The following RAB30 variants were observed in gnomAD, a reference collection of about 807,000 sequenced individuals.
RAB30 encodes RAB30, member RAS oncogene family.
RAB30 carries 9 observed loss-of-function variants against 25.1 expected under a neutral mutation model. The ratio of observed to expected loss-of-function variants is 0.36; its 90% CI spans 0.22 to 0.63. The LOEUF (loss-of-function observed/expected upper bound fraction) is 0.63. Among genes scored for constraint, RAB30 ranks in the 20% least tolerant of loss-of-function variants. The pLI is 0.69. For missense variants in RAB30, 140 were observed against 243.5 expected, an observed-to-expected ratio of 0.58 and a Z score of 2.83; for synonymous variants, 77 against 86.4, an observed-to-expected ratio of 0.89 and a Z score of 0.60.
In RAB30 at chr11:82,979,326, G is replaced by C. The variant is rs1357412663; in HGVS notation, c.*2839C>G. On this transcript the variant is annotated 3_prime_UTR_variant, in exon 5 of 5. Transcript: ENST00000527633. The stretch of plus-strand genomic sequence containing the variant: ...AGAAAAAGATCACACCAAAAATGGA[G>C]GAATACATCAACCCTGGTGGTCTTA... 6.6e-6 allele frequency: 1 copy of C among 152,104 alleles called. No homozygotes were observed. The highest frequency in any genetic ancestry group is 2.4e-5 in the African/African-American group (1 of 41,432). 9.4% of individuals were successfully genotyped at this position (152,104 alleles called of 1,614,324 possible). A position where few individuals can be genotyped will look rare whatever the true frequency, so the allele number is the denominator to read the frequency against.
At chr11:83,002,285 C>G (rs1438134642) in intron 1 of RAB30, among the ~76,000 whole-genome samples, 1 of 152,328 alleles carries the variant, frequency 6.6e-6, no homozygotes, top group East Asian at 1.9e-4. Flanking sequence ...TCAGATTACA[C>G]AAGCGCTGCT....
At chr11:83,027,666 C>T (rs1195797404) in intron 1 of RAB30, among the ~76,000 whole-genome samples, 1 of 152,012 alleles carries the variant, frequency 6.6e-6, no homozygotes, top group Non-Finnish European at 1.5e-5. Flanking sequence ...TCTCTAGGAA[C>T]TAAATGAAAA....
At chr11:83,022,857 TC>T (rs1181299442) in intron 1 of RAB30, among the ~76,000 whole-genome samples, 1 of 152,150 alleles carries the variant, frequency 6.6e-6, no homozygotes, top group African/African-American at 2.4e-5. Context: ...TTATGTTGTA[TC>T]AAATGTCTTT....
intron 1 of RAB30, among the ~76,000 whole-genome samples, chr11:83,004,944 A>G (rs1857156342): frequency 6.6e-6 from 1 of 152,126 alleles, no homozygotes; most frequent in African/African-American, 2.4e-5. Context: ...CCATTACTAT[A>G]ATCAACTGCT....
chr11:83,054,326 C>T (rs867341426), intron 1 of RAB30, among the ~76,000 whole-genome samples: 16 of 152,182 alleles, frequency 1.1e-4, no homozygotes, highest in Admixed American at 3.9e-4. Context: ...CCTACAATCT[C>T]CTTATAGTCA....
rs1465496004 is a variant in RAB30, at chr11:82,973,568, G to C, written c.*8597C>G. ...AGACTGAAACAGTCTTCATGAAATT[G>C]ATTGCTTATCACATCTAAATGACAG... On this transcript the variant is annotated 3_prime_UTR_variant, in exon 5 of 5. Coordinates refer to ENST00000527633, the MANE Select transcript of RAB30 (RefSeq NM_001286060.2). 6.6e-6 allele frequency: 1 copy of C among 152,166 alleles called. No individual in the cohort carries two copies. Among genetic ancestry groups the C allele is most frequent in the Admixed American group, 6.5e-5 (1 of 15,282 alleles). The allele number at this position is 152,166 out of a possible 1,614,324, so 9.4% of individuals were successfully genotyped here.
intron 1 of RAB30, among the ~76,000 whole-genome samples, chr11:83,043,895 A>C (rs1858182767): frequency 6.6e-6 from 1 of 152,188 alleles, no homozygotes; most frequent in South Asian, 2.1e-4. Flanking sequence ...AAACACTACT[A>C]CTGCTGAGTG....
At chr11:83,005,378 T>C (rs1013295491) in intron 1 of RAB30, among the ~76,000 whole-genome samples, 3 of 152,204 alleles carry the variant, frequency 2.0e-5, no homozygotes, top group African/African-American at 4.8e-5. Flanking sequence ...TGCTAAATGT[T>C]TTCCACATGT....
At chr11:83,061,710 C>CTTTTTTTTTTTTTTTTT (rs569263010) in intron 1 of RAB30, among the ~76,000 whole-genome samples, 1 of 79,904 alleles carries the variant, frequency 1.3e-5, no homozygotes, top group African/African-American at 5.0e-5. Context: ...TCTTTCTTTT[C>CTTTTTTTTTTTTTTTTT]TTTTTTTTTT....
intron 1 of RAB30, among the ~76,000 whole-genome samples, chr11:83,053,111 G>A (rs1210366845): frequency 5.9e-5 from 9 of 152,136 alleles, no homozygotes; most frequent in African/African-American, 1.4e-4. Context: ...GAAGGGAGGC[G>A]TCTATGCCCT....
At chr11:83,027,954 G>C (rs113800561) in intron 1 of RAB30, among the ~76,000 whole-genome samples, 2,683 of 152,204 alleles carry the variant, frequency 0.018, 61 homozygotes, top group East Asian at 0.081. Context: ...TCAAGGTCTT[G>C]ACAGCTTTTT....
At chr11:83,000,970 C>T (rs1237406750) in intron 1 of RAB30, among the ~76,000 whole-genome samples, 2 of 147,228 alleles carry the variant, frequency 1.4e-5, no homozygotes, top group Non-Finnish European at 3.0e-5. Context: ...TGGCGTGAAC[C>T]CAGAAGGCAG....
At chr11:82,982,455 A>G in intron 4 of RAB30, 40 bp from the exon 5 acceptor site, 1 of 1,596,002 alleles carries the variant, frequency 6.3e-7, no homozygotes. Flanking sequence ...TCAGCATTTG[A>G]CTTTTTGCAG....
At chr11:83,052,824 T>A (rs1474142329) in intron 1 of RAB30, among the ~76,000 whole-genome samples, 2 of 152,212 alleles carry the variant, frequency 1.3e-5, no homozygotes, top group African/African-American at 2.4e-5. Flanking sequence ...CAAACCTAGC[T>A]GACCTCAATC....
chr11:83,070,691 A>C (rs1858819053), intron 1 of RAB30, among the ~76,000 whole-genome samples: 1 of 152,150 alleles, frequency 6.6e-6, no homozygotes, highest in South Asian at 2.1e-4. Flanking sequence ...TGTAAGTCAG[A>C]ATGCTTTCTC....
At chr11:83,003,635 G>A (rs971377077) in intron 1 of RAB30, among the ~76,000 whole-genome samples, 1 of 151,982 alleles carries the variant, frequency 6.6e-6, no homozygotes, top group Non-Finnish European at 1.5e-5. Context: ...TGGTCAGACT[G>A]GTCTCAAACT....
intron 1 of RAB30, among the ~76,000 whole-genome samples, chr11:83,028,711 C>T (rs11233432): frequency 0.56 from 85,431 of 152,008 alleles, 24,446 homozygotes; most frequent in African/African-American, 0.69. Flanking sequence ...CAATAAAGCA[C>T]GAGAATAGAA....
intron 1 of RAB30, among the ~76,000 whole-genome samples, chr11:83,024,657 A>C (rs1857666312): frequency 6.6e-6 from 1 of 152,254 alleles, no homozygotes; most frequent in Non-Finnish European, 1.5e-5. Context: ...AGGAAGTGGC[A>C]TTTGAACAAG....
intron 1 of RAB30, among the ~76,000 whole-genome samples, chr11:82,999,689 A>G (rs1471961330): frequency 6.6e-6 from 1 of 152,010 alleles, no homozygotes. Flanking sequence ...CTTCACATAT[A>G]TTGTTCCATC....
Sources: allele counts gnomAD v4.1 joint callset (sites outside exome capture counted in the v4.1 genomes callset), GRCh38; gene constraint gnomAD v4.1.1; transcripts MANE v1.5; gene names NCBI Gene and HGNC (gene_info 2026-07-23, HGNC 2026-07-21).